The following CLVS1 variants were observed in gnomAD, a reference collection of about 807,000 sequenced individuals.
The protein encoded by CLVS1 is clavesin 1.
A neutral mutation model predicts 33.1 loss-of-function variants in CLVS1; 10 were observed. The ratio of observed to expected loss-of-function variants is 0.30; its 90% CI spans 0.19 to 0.51. The LOEUF is 0.51. Ranked by LOEUF, CLVS1 falls within the 20% of genes least tolerant of loss-of-function variation. The pLI is 0.97. For missense variants in CLVS1, 343 were observed against 433.4 expected (o/e 0.79, Z 1.85); for synonymous variants, 163 against 166.1 (o/e 0.98, Z 0.14).
intron 2 of CLVS1, among the ~76,000 whole-genome samples, chr8:61,368,809 A>G (rs1174315309): frequency 1.3e-5 from 2 of 152,216 alleles, no homozygotes; most frequent in Admixed American, 6.5e-5. Context: ...TTTGAATGCC[A>G]AGTATTCTTG....
chr8:61,177,717 C>A (rs1389992070), intron 2 of CLVS1, among the ~76,000 whole-genome samples: 1 of 151,846 alleles, frequency 6.6e-6, no homozygotes, highest in Non-Finnish European at 1.5e-5. Context: ...AGAAGGGAAC[C>A]CCTAGCAAAC....
chr8:61,338,569 G>A (rs149925923), intron 2 of CLVS1, among the ~76,000 whole-genome samples: 244 of 152,266 alleles, frequency 1.6e-3, no homozygotes, highest in African/African-American at 3.6e-3. Flanking sequence ...CTGTACTTAC[G>A]CAATAAGGGT....
chr8:61,362,506 G>A (rs1279612808), intron 2 of CLVS1, among the ~76,000 whole-genome samples: 1 of 152,098 alleles, frequency 6.6e-6, no homozygotes, highest in Admixed American at 6.6e-5. Context: ...GACAGAAAGA[G>A]GTTACTACCA....
rs187193010 is a variant in CLVS1, at chr8:61,319,611, C to T, written c.455+19329C>T. On this transcript the variant is annotated intron_variant, in intron 2 of 5. Coordinates refer to ENST00000325897, the MANE Select transcript of CLVS1 (RefSeq NM_173519.3). ...GATCTGGTTAATTTGCTCCATAAGGCTTCAAGACCCTCATTCCTCTGATGA... is the reference window on the plus strand; with the variant it reads ...GATCTGGTTAATTTGCTCCATAAGGTTTCAAGACCCTCATTCCTCTGATGA... Among the ~76,000 whole-genome samples, 301 of 152,248 alleles carry T rather than the reference C, an allele frequency of 2.0e-3. 2 individuals are homozygous for T. The highest frequency in any genetic ancestry group is 6.7e-3 in the African/African-American group (280 of 41,554).
chr8:61,059,471 C>CATATATATATATATATATATATAT (rs1292747857), intron 1 of CLVS1, among the ~76,000 whole-genome samples: 7 of 22,986 alleles, frequency 3.0e-4, no homozygotes, highest in African/African-American at 4.9e-4. Context: ...TACATACATA[C>CATATATATATATATATATATATAT]ATACATATAT....
intron 1 of CLVS1, among the ~76,000 whole-genome samples, chr8:61,063,482 C>T (rs978156609): frequency 1.4e-4 from 21 of 152,004 alleles, no homozygotes; most frequent in African/African-American, 4.1e-4. Context: ...CATCTAGAAG[C>T]GACACAGGAC....
At chr8:60,999,256 C>T in the CLVS1 span, among the ~76,000 whole-genome samples, 1 of 152,296 alleles carries the variant, frequency 6.6e-6, no homozygotes, top group African/African-American at 2.4e-5. Context: ...TGCAAAGGAA[C>T]ATGGGCAGAG....
intron 2 of CLVS1, among the ~76,000 whole-genome samples, chr8:61,142,589 A>G (rs1178442253): frequency 6.6e-6 from 1 of 152,232 alleles, no homozygotes; most frequent in Non-Finnish European, 1.5e-5. Flanking sequence ...AGTTGAGGCT[A>G]CCAGACTGCT....
intron 2 of CLVS1, among the ~76,000 whole-genome samples, chr8:61,205,161 C>A (rs1300783425): frequency 6.6e-6 from 1 of 152,096 alleles, no homozygotes; most frequent in Non-Finnish European, 1.5e-5. Flanking sequence ...ATAAAATGTA[C>A]CATGTTAACC....
intron 2 of CLVS1, among the ~76,000 whole-genome samples, chr8:61,362,588 A>G (rs1284453137): frequency 6.6e-6 from 1 of 152,212 alleles, no homozygotes; most frequent in Non-Finnish European, 1.5e-5. Context: ...CCTCTGCCCA[A>G]TAAATGCTGG....
At chr8:61,198,356 A>G (rs1316754266) in intron 2 of CLVS1, among the ~76,000 whole-genome samples, 4 of 152,150 alleles carry the variant, frequency 2.6e-5, no homozygotes, top group Non-Finnish European at 5.9e-5. Context: ...TGTCACCTGA[A>G]TAGTATACAT....
At chr8:60,981,866 C>G in the CLVS1 span, among the ~76,000 whole-genome samples, 1 of 152,232 alleles carries the variant, frequency 6.6e-6, no homozygotes, top group South Asian at 2.1e-4. Flanking sequence ...CCCTGCGAAG[C>G]AGGAGGCGCG....
At chr8:61,218,964 GA>G (rs1808151804) in intron 2 of CLVS1, among the ~76,000 whole-genome samples, 1 of 151,838 alleles carries the variant, frequency 6.6e-6, no homozygotes, top group Non-Finnish European at 1.5e-5. Flanking sequence ...AAAACAAGAG[GA>G]AACAACTGAG....
chr8:61,123,733 G>A (rs1805920712), intron 1 of CLVS1, among the ~76,000 whole-genome samples: 1 of 152,164 alleles, frequency 6.6e-6, no homozygotes, highest in Non-Finnish European at 1.5e-5. Flanking sequence ...ACTAAAGCCT[G>A]TGGAGGAATG....
chr8:60,966,481 C>A, the CLVS1 span: 1 of 432,978 alleles, frequency 2.3e-6, no homozygotes, highest in Non-Finnish European at 4.6e-6. Flanking sequence ...TAAATTATAG[C>A]CAAATTATAT....
the CLVS1 span, among the ~76,000 whole-genome samples, chr8:61,020,176 G>T: frequency 1.3e-5 from 2 of 152,286 alleles, no homozygotes; most frequent in East Asian, 3.9e-4. Context: ...GTTGACATTG[G>T]TCTCCCTGCC....
intron 2 of CLVS1, among the ~76,000 whole-genome samples, chr8:61,210,833 C>T (rs944242697): frequency 7.2e-5 from 11 of 152,034 alleles, no homozygotes; most frequent in African/African-American, 2.2e-4. Flanking sequence ...GGGGATTCCA[C>T]GACATAGAGA....
chr8:61,463,286 G>A (rs1285170036), intron 5 of CLVS1, among the ~76,000 whole-genome samples: 1 of 152,132 alleles, frequency 6.6e-6, no homozygotes, highest in Non-Finnish European at 1.5e-5. Context: ...CATCTATTCA[G>A]ACCTCTAAAA....
chr8:61,156,561 G>A (rs1322526659), intron 2 of CLVS1, among the ~76,000 whole-genome samples: 3 of 152,110 alleles, frequency 2.0e-5, no homozygotes, highest in Non-Finnish European at 4.4e-5. Context: ...GTGTATCTGT[G>A]TGTTTTGTTT....
Sources: gnomAD v4.1 joint callset for allele counts (sites outside exome capture counted in the v4.1 genomes callset) on GRCh38, gnomAD v4.1.1 for gene constraint, MANE v1.5 for transcripts, NCBI Gene and HGNC (gene_info 2026-07-23, HGNC 2026-07-21) for gene names.